The following RREB1 variants were observed in gnomAD, a reference collection of about 807,000 sequenced individuals.
RREB1 encodes ras-responsive element-binding protein 1.
A neutral mutation model predicts 117.8 loss-of-function variants in RREB1; 27 were observed. The observed-to-expected ratio is 0.23, with a 90% CI of 0.17 to 0.32. The LOEUF is 0.32. Ranked by LOEUF, RREB1 falls within the 10% of genes least tolerant of loss-of-function variation. The pLI is 1.00. For synonymous variants in RREB1, 1,298 were observed against 1,026.7 expected (o/e 1.26, Z -5.05); for missense variants, 2,577 against 2,378.2 (o/e 1.08, Z -1.74).
intron 1 of RREB1, among the ~76,000 whole-genome samples, chr6:7,129,662 T>A (rs1269610230): frequency 1.3e-5 from 2 of 152,244 alleles, no homozygotes; most frequent in African/African-American, 2.4e-5. Context: ...AAAAGCTGAA[T>A]CACATACTTT....
intron 6 of RREB1, among the ~76,000 whole-genome samples, chr6:7,201,911 G>T (rs530600112): frequency 2.0e-5 from 3 of 152,170 alleles, no homozygotes; most frequent in Non-Finnish European, 4.4e-5. Flanking sequence ...TTCCTCCCTC[G>T]ACATCTCTGG....
At position 7,149,123 on chromosome 6, in the gene RREB1, A is replaced by C. The variant is rs13437319; in HGVS notation, c.-284-27532A>C. Among the ~76,000 whole-genome samples, 684 of 152,264 alleles carry C rather than the reference A, an allele frequency of 4.5e-3. 6 individuals are homozygous for C. The highest frequency in any genetic ancestry group is 0.017 in the Middle Eastern group (5 of 294). On this transcript the variant is annotated intron_variant, in intron 1 of 12. Transcript: ENST00000379938. Reference sequence around the variant, plus strand: ...TTTTTAGTAGAGTCGGGGTTTCACCATATTGGTCAGGCTGGTCTCAAACTC... The same window carrying C: ...TTTTTAGTAGAGTCGGGGTTTCACCCTATTGGTCAGGCTGGTCTCAAACTC...
chr6:7,226,278 CTT>C (rs1210369612), intron 8 of RREB1, among the ~76,000 whole-genome samples, 187 bp from the exon 9 acceptor site: 1 of 152,150 alleles, frequency 6.6e-6, no homozygotes, highest in Admixed American at 6.5e-5. Flanking sequence ...TAGAATACAA[CTT>C]TTTTAAAAGG....
chr6:7,153,242 T>C (rs1315435941), intron 1 of RREB1, among the ~76,000 whole-genome samples: 1 of 151,422 alleles, frequency 6.6e-6, no homozygotes, highest in Non-Finnish European at 1.5e-5. Context: ...CTATTATTTT[T>C]TTTTAAAAAA....
intron 10 of RREB1, among the ~76,000 whole-genome samples, chr6:7,236,856 A>G (rs565235454): frequency 1.5e-4 from 21 of 141,768 alleles, no homozygotes; most frequent in African/African-American, 5.1e-4. Context: ...GAGAGTAAAC[A>G]CTGGCTAATT....
intron 6 of RREB1, among the ~76,000 whole-genome samples, chr6:7,195,213 T>G: frequency 6.6e-6 from 1 of 152,346 alleles, no homozygotes; most frequent in African/African-American, 2.4e-5. Flanking sequence ...ATAATATATT[T>G]GAAATACTAG....
chr6:7,241,099 G>A (rs1768679577), intron 11 of RREB1, among the ~76,000 whole-genome samples: 1 of 151,988 alleles, frequency 6.6e-6, no homozygotes, highest in Non-Finnish European at 1.5e-5. Context: ...TCTCTTCCCG[G>A]TGTAAGACTG....
At chr6:7,173,029 T>C (rs1764301520) in intron 1 of RREB1, among the ~76,000 whole-genome samples, 1 of 152,182 alleles carries the variant, frequency 6.6e-6, no homozygotes. Context: ...TTGTAGCCTG[T>C]CGTGGGTTGG....
chr6:7,247,900 C>G (rs942751352), intron 12 of RREB1, among the ~76,000 whole-genome samples: 2 of 152,240 alleles, frequency 1.3e-5, no homozygotes, highest in Non-Finnish European at 2.9e-5. Context: ...GCCGCAGCTT[C>G]CCTCCCTGTC....
chr6:7,202,527 C>T (rs1167651099), intron 6 of RREB1, among the ~76,000 whole-genome samples: 2 of 152,178 alleles, frequency 1.3e-5, no homozygotes, highest in East Asian at 3.9e-4. Flanking sequence ...GATGGCTTCC[C>T]TCAGAGGGGA....
intron 1 of RREB1, among the ~76,000 whole-genome samples, chr6:7,117,790 A>G (rs1485256976): frequency 6.6e-6 from 1 of 152,032 alleles, no homozygotes; most frequent in Admixed American, 6.6e-5. Flanking sequence ...GCTGGTCTCA[A>G]ATTCCTAAAC....
rs9502564 is a variant in RREB1, at chr6:7,230,447, G to A, written c.2348G>A (p.Gly783Asp). 4.4e-6 allele frequency: 7 copies of A among 1,590,566 alleles called. No homozygotes were observed. Among genetic ancestry groups the A allele is most frequent in the Non-Finnish European group, 6.0e-6 (7 of 1,174,644 alleles). ...CACTGCGGCCGCGGCCTGGGCGGGGGCCACAAGGGCCGCAAGCCCTTCGAG... is the reference window on the plus strand; with the variant it reads ...CACTGCGGCCGCGGCCTGGGCGGGGACCACAAGGGCCGCAAGCCCTTCGAG... ...RTHCGRGLGG[G>D]HKGRKPFECK... Residue 783 changes from glycine (G) to aspartate (D), a missense_variant, in exon 10 of 13, where the codon GGC becomes GAC. Transcript: ENST00000379938.
At chr6:7,122,903 A>G (rs546018831) in intron 1 of RREB1, among the ~76,000 whole-genome samples, 1 of 152,302 alleles carries the variant, frequency 6.6e-6, no homozygotes, top group Non-Finnish European at 1.5e-5. Flanking sequence ...GCTGACAAGC[A>G]TGTATCAGCT....
At chr6:7,119,238 C>G (rs1392805238) in intron 1 of RREB1, among the ~76,000 whole-genome samples, 1 of 151,950 alleles carries the variant, frequency 6.6e-6, no homozygotes, top group African/African-American at 2.4e-5. Flanking sequence ...GTAATCCCAA[C>G]TACTCAGGAG....
In RREB1 at chr6:7,229,767, G is replaced by A. The variant is rs1467053429; in HGVS notation, c.1668G>A (p.Ala556=). Residue 556 remains alanine, a synonymous_variant, in exon 10 of 13, where the codon GCG becomes GCA. Transcript: ENST00000379938. The surrounding 1 kb of genome is among the most constrained non-coding windows in gnomAD (Gnocchi z 4.5). Reference sequence around the variant, plus strand: ...AGCTCCTCAAAGGCTCAGTGGAGGCGGCCTCCAACGCCCACCTGCTGCAGT... The same window carrying A: ...AGCTCCTCAAAGGCTCAGTGGAGGCAGCCTCCAACGCCCACCTGCTGCAGT... ...PLKLLKGSVE[A]ASNAHLLQSK... The A allele has an allele frequency of 6.2e-7, 1 of 1,605,726 alleles. No homozygotes were observed. Among genetic ancestry groups the A allele is most frequent in the Non-Finnish European group, 8.5e-7 (1 of 1,174,670 alleles).
chr6:7,203,825 T>A (rs952594408), intron 6 of RREB1, among the ~76,000 whole-genome samples: 1 of 152,244 alleles, frequency 6.6e-6, no homozygotes, highest in African/African-American at 2.4e-5. Context: ...ACATCCATGC[T>A]GTGGAGCATG....
At chr6:7,196,817 C>G (rs1036603765) in intron 6 of RREB1, among the ~76,000 whole-genome samples, 1 of 152,150 alleles carries the variant, frequency 6.6e-6, no homozygotes, top group African/African-American at 2.4e-5. Context: ...TATGCAGATT[C>G]TCATGTGTTT....
Position 7,229,703 on chromosome 6 carries a change from C to T in RREB1, c.1604C>T (p.Pro535Leu), listed in dbSNP as rs150527788. ...CTCATCAACGCCCAGCAGGCTTCCC[C>T]GGGCTGTATCAGCCCCAGCCTGCCG... The part of the protein sequence containing the change: ...PPLINAQQAS[P>L]GCISPSLPPP... Residue 535 changes from proline to leucine, a missense_variant, in exon 10 of 13, where the codon CCG (proline) becomes CTG (leucine). Coordinates refer to ENST00000379938, the MANE Select transcript of RREB1 (RefSeq NM_001003699.4). This position sits in a 1 kb window ranked among gnomAD's most constrained non-coding sequence, Gnocchi z 4.5. 1.8e-4 allele frequency: 293 copies of T among 1,607,496 alleles called. 3 individuals are homozygous for T. In the African/African-American group the frequency reaches 2.8e-3, roughly 15 times the overall value.
intron 9 of RREB1, among the ~76,000 whole-genome samples, chr6:7,228,583 T>G (rs6907334): frequency 0.12 from 17,099 of 148,504 alleles, 2,098 homozygotes; most frequent in African/African-American, 0.3. Context: ...ATGTGTCACT[T>G]CAGACTCAAC....
Sources: allele counts gnomAD v4.1 joint callset (sites outside exome capture counted in the v4.1 genomes callset), GRCh38; gene constraint gnomAD v4.1.1; non-coding constraint Gnocchi (gnomAD v3.1); transcripts MANE v1.5; gene names NCBI Gene and HGNC (gene_info 2026-07-23, HGNC 2026-07-21).